The following CAMTA1 variants were observed in gnomAD, a reference collection of about 807,000 sequenced individuals.
The protein encoded by CAMTA1 is calmodulin-binding transcription activator 1.
Under a neutral mutation model 170.9 loss-of-function variants are expected in CAMTA1, and 27 were observed. The ratio of observed to expected loss-of-function variants is 0.16; its 90% confidence interval spans 0.12 to 0.22. The LOEUF (loss-of-function observed/expected upper bound fraction) is 0.22, where lower values mean the gene tolerates loss of function less well. CAMTA1 is among the 10% of genes least tolerant of loss of function. The pLI, the probability that CAMTA1 is intolerant of heterozygous loss-of-function variation, is 1.00. For synonymous variants in CAMTA1, 833 were observed against 891.5 expected, an observed-to-expected ratio of 0.93 and a Z score of 1.17; for missense variants, 1,619 against 2,217.2, an observed-to-expected ratio of 0.73 and a Z score of 5.42.
intron 11 of CAMTA1, among the ~76,000 whole-genome samples, chr1:7,702,758 TC>T (rs1228836351): frequency 6.6e-6 from 1 of 152,166 alleles, no homozygotes; most frequent in African/African-American, 2.4e-5. Flanking sequence ...CAATGATTTT[TC>T]ACAAACTAAA....
At chr1:7,584,347 C>T (rs547962611) in intron 6 of CAMTA1, among the ~76,000 whole-genome samples, 5 of 152,012 alleles carry the variant, frequency 3.3e-5, no homozygotes, top group East Asian at 2.0e-4. Context: ...CGGGGGCTTC[C>T]GGCTGAACTG....
intron 16 of CAMTA1, among the ~76,000 whole-genome samples, chr1:7,740,324 G>A (rs1364333795): frequency 6.6e-6 from 1 of 152,170 alleles, no homozygotes; most frequent in Non-Finnish European, 1.5e-5. Context: ...AAACGGAGGA[G>A]TGTGGCTGTT....
Position 7,640,392 on chromosome 1 carries a change from C to T in CAMTA1, c.511-8C>T, listed in dbSNP as rs942149321. On this transcript the variant is annotated splice_polypyrimidine_tract_variant and splice_region_variant and intron_variant, in intron 6 of 22. Transcript: ENST00000303635. Reference sequence around the variant, plus strand: ...CCCTCATGCTGCCAGTCTCTGCTCTCCCCACAGAACCCCGACATCGTCCTG... The same window carrying T: ...CCCTCATGCTGCCAGTCTCTGCTCTTCCCACAGAACCCCGACATCGTCCTG... 6.2e-7 allele frequency: 1 copy of T among 1,613,626 alleles called. No individual in the cohort carries two copies. The highest frequency in any genetic ancestry group is 1.3e-5 in the African/African-American group (1 of 74,932).
At chr1:6,991,800 G>A (rs1028484101) in intron 3 of CAMTA1, among the ~76,000 whole-genome samples, 36 of 152,186 alleles carry the variant, frequency 2.4e-4, no homozygotes, top group African/African-American at 8.7e-4. Flanking sequence ...CTGGGTTGAA[G>A]CGATTCTCCG....
intron 3 of CAMTA1, among the ~76,000 whole-genome samples, chr1:7,043,602 C>T (rs1704840703): frequency 6.6e-6 from 1 of 152,208 alleles, no homozygotes; most frequent in African/African-American, 2.4e-5. Flanking sequence ...TTCTCAGACC[C>T]ACCCTTCCTG....
chr1:7,301,511 T>A (rs1674755997), intron 5 of CAMTA1, among the ~76,000 whole-genome samples: 1 of 152,134 alleles, frequency 6.6e-6, no homozygotes, highest in African/African-American at 2.4e-5. Flanking sequence ...AGGATCCCTG[T>A]GAGCCTGTAG....
chr1:6,876,268 T>C (rs916671389), intron 3 of CAMTA1, among the ~76,000 whole-genome samples: 3 of 152,158 alleles, frequency 2.0e-5, no homozygotes, highest in African/African-American at 7.2e-5. Flanking sequence ...ATGTTTACAA[T>C]GTATCTGTCA....
chr1:6,927,551 TG>T (rs1683562268), intron 3 of CAMTA1, among the ~76,000 whole-genome samples: 1 of 152,260 alleles, frequency 6.6e-6, no homozygotes, highest in Admixed American at 6.5e-5. Context: ...TGTAAAATCC[TG>T]GGATCAGATT....
chr1:7,088,301 T>C (rs1392101048), intron 3 of CAMTA1, among the ~76,000 whole-genome samples: 1 of 152,130 alleles, frequency 6.6e-6, no homozygotes, highest in Non-Finnish European at 1.5e-5. Flanking sequence ...AGGTAGTTCT[T>C]ACATCAGCGT....
intron 3 of CAMTA1, among the ~76,000 whole-genome samples, chr1:6,954,439 A>T (rs1323423320): frequency 6.6e-6 from 1 of 152,196 alleles, no homozygotes; most frequent in Non-Finnish European, 1.5e-5. Context: ...TTGTCCCACG[A>T]GTTCCAGTAT....
intron 11 of CAMTA1, among the ~76,000 whole-genome samples, chr1:7,690,284 G>A (rs1021337547): frequency 1.3e-5 from 2 of 152,228 alleles, no homozygotes; most frequent in East Asian, 1.9e-4. Flanking sequence ...ACACTCTCCC[G>A]GCATTCACAC....
intron 3 of CAMTA1, among the ~76,000 whole-genome samples, chr1:6,826,043 A>G (rs1223540010): frequency 1.3e-5 from 2 of 152,204 alleles, no homozygotes; most frequent in Non-Finnish European, 2.9e-5. Context: ...AAGTTAAAGC[A>G]AATTTAGCAC....
At chr1:7,105,979 A>G (rs886556215) in intron 4 of CAMTA1, among the ~76,000 whole-genome samples, 2 of 151,798 alleles carry the variant, frequency 1.3e-5, no homozygotes, top group Non-Finnish European at 2.9e-5. Flanking sequence ...TAGGAGGTGT[A>G]TGAAATGATT....
chr1:7,169,290 T>C (rs1019645054), intron 4 of CAMTA1, among the ~76,000 whole-genome samples: 2 of 152,186 alleles, frequency 1.3e-5, no homozygotes, highest in Admixed American at 1.3e-4. Context: ...AAACATGAGT[T>C]TGAGGCCATG....
chr1:7,091,073 G>A (rs573711145), intron 3 of CAMTA1, among the ~76,000 whole-genome samples: 103 of 152,200 alleles, frequency 6.8e-4, no homozygotes, highest in Admixed American at 6.5e-3. Context: ...CCTTGCCACC[G>A]ACTCATCTTT....
chr1:7,749,987 T>C (rs2096884493), intron 19 of CAMTA1, among the ~76,000 whole-genome samples: 1 of 152,178 alleles, frequency 6.6e-6, no homozygotes, highest in Non-Finnish European at 1.5e-5. Flanking sequence ...GTTTCGACAT[T>C]AATAACTGGA....
In CAMTA1 at chr1:7,293,706, A is replaced by G. The variant is rs1033241348; in HGVS notation, c.438+44080A>G. On this transcript the variant is annotated intron_variant, in intron 5 of 22. Coordinates refer to ENST00000303635, the MANE Select transcript of CAMTA1 (RefSeq NM_015215.4). The surrounding 1 kb of genome is among the most constrained non-coding windows in gnomAD (Gnocchi z 4.1). ...CAGTGGGGGAGTCTAAACATGAATT[A>G]TCCCAGCTTAATGCTTCAAGTTATT... 6.6e-6 allele frequency among the ~76,000 whole-genome samples: 1 copy of G among 152,194 alleles called. No individual in the cohort carries two copies. Among genetic ancestry groups the G allele is most frequent in the African/African-American group, 2.4e-5 (1 of 41,456 alleles).
chr1:7,571,996 A>G (rs1055570201), intron 6 of CAMTA1, among the ~76,000 whole-genome samples: 25 of 152,288 alleles, frequency 1.6e-4, no homozygotes, highest in African/African-American at 5.5e-4. Context: ...CCTCACCAGC[A>G]TCTGTTACCT....
Position 7,747,710 on chromosome 1 carries a change from G to A in CAMTA1, c.4618G>A (p.Gly1540Ser). ...TTTTTCTCCTTACTTTACCCTTAAG[G>A]GCCGACCCTTGCGGGAACAGCAAGA... ...LVQTAFRKYKGRPLREQQEVA... is the reference protein window; with the variant it reads ...LVQTAFRKYKSRPLREQQEVA... The change falls in exon 19 of 23, where the codon GGC becomes AGC. Residue 1540 changes from glycine to serine, a missense_variant and splice_region_variant. This residue lies in a region of CAMTA1 where 128 missense variants were observed against 213.5 expected (regional missense o/e 0.60). Transcript: ENST00000303635. The A allele has an allele frequency of 1.2e-6, 2 of 1,604,508 alleles. No homozygotes were observed. Among genetic ancestry groups the A allele is most frequent in the Non-Finnish European group, 1.7e-6 (2 of 1,175,996 alleles).
Sources: gnomAD v4.1 joint callset for allele counts (sites outside exome capture counted in the v4.1 genomes callset) on GRCh38, gnomAD v4.1.1 for gene constraint, gnomAD v4.1.1 regional missense constraint, Gnocchi (gnomAD v3.1) non-coding constraint, MANE v1.5 for transcripts, NCBI Gene and HGNC (gene_info 2026-07-23, HGNC 2026-07-21) for gene names.